Variants in KCNJ6 observed in about 807,000 individuals in gnomAD.
KCNJ6 encodes potassium inwardly rectifying channel subfamily J member 6.
In KCNJ6, 9 loss-of-function variants were observed where a neutral mutation model predicts 34.2. The ratio of observed to expected loss-of-function variants is 0.26; its 90% CI spans 0.16 to 0.46. The LOEUF (loss-of-function observed/expected upper bound fraction) is 0.46. KCNJ6 is among the 20% of genes least tolerant of loss of function. The probability of loss-of-function intolerance (pLI) is 1.00; values close to 1 mark genes in which losing one functional copy is unlikely to be tolerated. For synonymous variants in KCNJ6, 196 were observed against 207.1 expected (o/e 0.95, Z 0.46); for missense variants, 236 against 531.3 (o/e 0.44, Z 5.46).
At chr21:37,903,905 A>G (rs1270297137) in intron 1 of KCNJ6, among the ~76,000 whole-genome samples, 1 of 152,226 alleles carries the variant, frequency 6.6e-6, no homozygotes, top group Non-Finnish European at 1.5e-5. Flanking sequence ...GCCTCCTGAC[A>G]CCTATTTTGT....
At chr21:37,783,380 C>G (rs2055178663) in intron 2 of KCNJ6, among the ~76,000 whole-genome samples, 1 of 152,170 alleles carries the variant, frequency 6.6e-6, no homozygotes, top group African/African-American at 2.4e-5. Context: ...CTATCCTGTT[C>G]TCATGGTAGT....
intron 1 of KCNJ6, among the ~76,000 whole-genome samples, chr21:37,869,120 C>T (rs1172501233): frequency 6.6e-6 from 1 of 152,290 alleles, no homozygotes; most frequent in Non-Finnish European, 1.5e-5. Context: ...GTGAGTGGAT[C>T]GCCTGGGTGG....
intron 3 of KCNJ6, among the ~76,000 whole-genome samples, chr21:37,631,440 A>G (rs1382612947): frequency 1.3e-5 from 2 of 152,202 alleles, no homozygotes; most frequent in Non-Finnish European, 2.9e-5. Flanking sequence ...CAATAAAAGC[A>G]AGAGATGAGC....
chr21:37,641,140 A>G (rs939275439), intron 3 of KCNJ6, among the ~76,000 whole-genome samples: 3 of 152,168 alleles, frequency 2.0e-5, no homozygotes, highest in Non-Finnish European at 2.9e-5. Context: ...GTAACTGTCA[A>G]TACTTGTCTG....
At chr21:37,780,820 C>T (rs1011717574) in intron 2 of KCNJ6, among the ~76,000 whole-genome samples, 1 of 152,066 alleles carries the variant, frequency 6.6e-6, no homozygotes, top group African/African-American at 2.4e-5. Flanking sequence ...ATGCCTGTAT[C>T]AAAACATCTC....
chr21:37,701,395 T>TTTTG, intron 3 of KCNJ6, among the ~76,000 whole-genome samples: 1 of 151,508 alleles, frequency 6.6e-6, no homozygotes, highest in East Asian at 2.0e-4. Context: ...GGTTAACTTT[T>TTTTG]TGTGTGTGTG....
chr21:37,909,926 C>A (rs2055859289), intron 1 of KCNJ6, among the ~76,000 whole-genome samples: 1 of 152,204 alleles, frequency 6.6e-6, no homozygotes, highest in African/African-American at 2.4e-5. Context: ...ACATCTCCTT[C>A]CCATTGATCA....
At chr21:37,810,961 C>T (rs1325158549) in intron 2 of KCNJ6, among the ~76,000 whole-genome samples, 1 of 152,102 alleles carries the variant, frequency 6.6e-6, no homozygotes, top group Non-Finnish European at 1.5e-5. Context: ...TTGGTGGATT[C>T]CTGGATGGGA....
intron 3 of KCNJ6, among the ~76,000 whole-genome samples, chr21:37,633,223 T>C (rs4817879): frequency 0.023 from 3,566 of 152,240 alleles, 102 homozygotes; most frequent in East Asian, 0.068. Flanking sequence ...TGTTAAAAGA[T>C]TGAAAGATCA....
intron 2 of KCNJ6, among the ~76,000 whole-genome samples, chr21:37,735,844 T>C (rs909022392): frequency 1.3e-5 from 2 of 152,104 alleles, no homozygotes; most frequent in African/African-American, 2.4e-5. Flanking sequence ...GGAGAATTAT[T>C]AGGGGAGAAA....
chr21:37,896,710 G>A (rs2055790142), intron 1 of KCNJ6, among the ~76,000 whole-genome samples: 2 of 152,120 alleles, frequency 1.3e-5, no homozygotes, highest in Non-Finnish European at 2.9e-5. Context: ...AGCCTTGTAG[G>A]AACACTCAGG....
chr21:37,615,780 C>T lies in KCNJ6; in HGVS notation c.*9379G>A, dbSNP rs1465898225. 2 of 152,112 alleles carry T rather than the reference C, an allele frequency of 1.3e-5. No homozygotes were observed. The highest frequency in any genetic ancestry group is 1.3e-4 in the Admixed American group (2 of 15,272). The allele number at this position is 152,112 out of a possible 1,614,324, so 9.4% of individuals were successfully genotyped here. The stretch of plus-strand genomic sequence containing the variant: ...TCTGGACCAATCTTAATCTTCTAGG[C>T]AGAATTTATTTAGTGTTAAGAAAAT... On this transcript the variant is annotated 3_prime_UTR_variant, in exon 4 of 4. Coordinates refer to ENST00000609713, the MANE Select transcript of KCNJ6 (RefSeq NM_002240.5).
chr21:37,773,538 C>T (rs1398097101), intron 2 of KCNJ6, among the ~76,000 whole-genome samples: 4 of 152,086 alleles, frequency 2.6e-5, no homozygotes, highest in Non-Finnish European at 1.5e-5. Flanking sequence ...CCAGACAACA[C>T]ATAATTGCGC....
chr21:37,842,193 G>A (rs995647427), intron 1 of KCNJ6, among the ~76,000 whole-genome samples: 3 of 152,116 alleles, frequency 2.0e-5, no homozygotes, highest in South Asian at 2.1e-4. Context: ...CCATGTCATC[G>A]TTATGAAGTT....
chr21:37,702,606 G>T (rs1017634066), intron 3 of KCNJ6, among the ~76,000 whole-genome samples: 2 of 152,174 alleles, frequency 1.3e-5, no homozygotes, highest in African/African-American at 4.8e-5. Flanking sequence ...AAATCTTTGA[G>T]TGCAGAGCTC....
At chr21:37,694,713 C>T (rs759176550) in intron 3 of KCNJ6, among the ~76,000 whole-genome samples, 2 of 152,204 alleles carry the variant, frequency 1.3e-5, no homozygotes, top group African/African-American at 4.8e-5. Flanking sequence ...TGTGCACCCC[C>T]CAAGTTCCTA....
chr21:37,831,654 T>A (rs1005199666), intron 2 of KCNJ6, among the ~76,000 whole-genome samples: 2 of 152,196 alleles, frequency 1.3e-5, no homozygotes, highest in Non-Finnish European at 2.9e-5. Context: ...GGTAAGGGAA[T>A]GACTGCTTCT....
chr21:37,717,068 G>A (rs188602194), intron 2 of KCNJ6: 3 of 154,188 alleles, frequency 1.9e-5, no homozygotes, highest in Non-Finnish European at 2.9e-5. Context: ...CCTTGCTCAT[G>A]GATGATCAGT....
chr21:37,837,115 G>A (rs9981681), intron 2 of KCNJ6, among the ~76,000 whole-genome samples: 40,196 of 151,514 alleles, frequency 0.27, 6,418 homozygotes, highest in South Asian at 0.39. Context: ...ATCATATACC[G>A]TACATATATT....
Sources: gnomAD v4.1 joint callset for allele counts (sites outside exome capture counted in the v4.1 genomes callset) on GRCh38, gnomAD v4.1.1 for gene constraint, MANE v1.5 for transcripts, NCBI Gene and HGNC (gene_info 2026-07-23, HGNC 2026-07-21) for gene names.